The following TRAPPC9 variants were observed in gnomAD, a reference collection of about 807,000 sequenced individuals.
TRAPPC9 encodes the protein IKK2 binding protein.
In TRAPPC9, 83 loss-of-function variants were observed where a neutral mutation model predicts 124.0. That is an observed-to-expected ratio of 0.67 (90% confidence interval 0.56 to 0.80). The LOEUF (loss-of-function observed/expected upper bound fraction) is 0.80, where lower values mean the gene tolerates loss of function less well. Ranked by LOEUF, TRAPPC9 falls within the 30% of genes least tolerant of loss-of-function variation. TRAPPC9 has a pLI of 0.00. For missense variants in TRAPPC9, 1,302 were observed against 1,508.3 expected (o/e 0.86, Z 2.27); for synonymous variants, 638 against 617.5 (o/e 1.03, Z -0.49).
intron 17 of TRAPPC9, among the ~76,000 whole-genome samples, chr8:140,033,778 T>A (rs113918837): frequency 0.011 from 1,532 of 143,164 alleles, 23 homozygotes; most frequent in African/African-American, 0.037. Context: ...ACCTCCCTGG[T>A]TCAAGTGATT....
chr8:139,857,343 C>A (rs1457832971), intron 21 of TRAPPC9, among the ~76,000 whole-genome samples: 1 of 152,156 alleles, frequency 6.6e-6, no homozygotes, highest in African/African-American at 2.4e-5. Context: ...GGAGGCAAGG[C>A]GAGGCATAGC....
chr8:140,450,835 A>G lies in TRAPPC9; in HGVS notation c.539T>C (p.Val180Ala). 6.2e-7 allele frequency: 1 copy of G among 1,613,208 alleles called. No individual in the cohort carries two copies. Among genetic ancestry groups the G allele is most frequent in the Non-Finnish European group, 8.5e-7 (1 of 1,179,696 alleles). Residue 180 changes from valine to alanine, a missense_variant, in exon 2 of 23, where the codon GTC (valine) becomes GCC (alanine). By Grantham distance (64) the Val-to-Ala change is moderately conservative. This residue lies in a region of TRAPPC9 where 657 missense variants were observed against 811.2 expected (regional missense o/e 0.81). Transcript: ENST00000438773. ...KSGDKIPLLC[V>A]PFEKKDFVGL... Reference sequence around the variant, plus strand: ...TACAAAGTCCTTTTTCTCAAACGGGACACAGAGAAGGGGGATCTTATCCCC... The same window carrying G: ...TACAAAGTCCTTTTTCTCAAACGGGGCACAGAGAAGGGGGATCTTATCCCC...
intron 21 of TRAPPC9, among the ~76,000 whole-genome samples, chr8:139,784,606 G>GATATATATATATATAT (rs1463265666): frequency 1.6e-4 from 5 of 30,432 alleles, no homozygotes; most frequent in African/African-American, 4.9e-4. Flanking sequence ...ATAAAAGACT[G>GATATATATATATATAT]ACATATATAT....
intron 18 of TRAPPC9, among the ~76,000 whole-genome samples, chr8:139,990,471 A>G (rs1273608004): frequency 6.6e-6 from 1 of 152,186 alleles, no homozygotes; most frequent in Non-Finnish European, 1.5e-5. Context: ...TCTCATACAC[A>G]TGCACACACA....
chr8:140,254,424 T>C (rs1396614771), intron 15 of TRAPPC9, among the ~76,000 whole-genome samples: 2 of 152,184 alleles, frequency 1.3e-5, no homozygotes, highest in African/African-American at 4.8e-5. Context: ...GCAGCCCACA[T>C]GGCCCTACGT....
At chr8:140,348,038 C>T (rs559400217) in intron 9 of TRAPPC9, among the ~76,000 whole-genome samples, 2 of 152,322 alleles carry the variant, frequency 1.3e-5, no homozygotes, top group Admixed American at 1.3e-4. Flanking sequence ...ACTCCAGCAG[C>T]TCTAAGAAGG....
intron 21 of TRAPPC9, among the ~76,000 whole-genome samples, chr8:139,822,627 G>C (rs10107436): frequency 3.3e-5 from 5 of 151,958 alleles, no homozygotes; most frequent in Admixed American, 6.6e-5. Context: ...AGGATGGCGG[G>C]GGGGGGCTGC....
intron 6 of TRAPPC9, among the ~76,000 whole-genome samples, chr8:140,401,631 T>C (rs2069274819): frequency 7.0e-6 from 1 of 142,660 alleles, no homozygotes; most frequent in African/African-American, 2.7e-5. Flanking sequence ...CATGAAAAAT[T>C]ATTTTTTTTT....
At chr8:140,445,854 C>T (rs763442837) in intron 2 of TRAPPC9, among the ~76,000 whole-genome samples, 17 of 152,208 alleles carry the variant, frequency 1.1e-4, no homozygotes, top group Non-Finnish European at 2.4e-4. Flanking sequence ...GGTCACAGAG[C>T]GAGAACCTTT....
At chr8:140,313,067 T>C (rs1317911693) in intron 9 of TRAPPC9, among the ~76,000 whole-genome samples, 1 of 152,210 alleles carries the variant, frequency 6.6e-6, no homozygotes, top group Non-Finnish European at 1.5e-5. Flanking sequence ...GCCTCCCTCA[T>C]TCTTAGGAAG....
intron 14 of TRAPPC9, among the ~76,000 whole-genome samples, chr8:140,276,933 TG>T (rs2065143017): frequency 6.6e-6 from 1 of 152,078 alleles, no homozygotes; most frequent in Non-Finnish European, 1.5e-5. Flanking sequence ...GCCAACATCG[TG>T]TGCTTAGTGC....
intron 21 of TRAPPC9, among the ~76,000 whole-genome samples, chr8:139,807,768 G>C (rs1448718673): frequency 6.6e-6 from 1 of 152,124 alleles, no homozygotes; most frequent in Non-Finnish European, 1.5e-5. Context: ...AGGAAAACCA[G>C]TGTAGAGCCC....
chr8:140,250,694 T>G lies in TRAPPC9; in HGVS notation c.2431+2083A>C, dbSNP rs2064112682. On this transcript the variant is annotated intron_variant, in intron 16 of 22. Transcript: ENST00000438773. ...ACCTGGTTTCCTGGTTTTTCTAAGG[T>G]AAAACTTACCTTAGAGATTTGCTGT... 7.2e-5 allele frequency among the ~76,000 whole-genome samples: 11 copies of G among 152,176 alleles called. No homozygotes were observed. The South Asian group carries it at 2.3e-3, about 32-fold the overall frequency.
intron 17 of TRAPPC9, among the ~76,000 whole-genome samples, chr8:140,177,654 C>T (rs189743507): frequency 1.3e-5 from 2 of 152,176 alleles, no homozygotes; most frequent in Admixed American, 1.3e-4. Context: ...ATTTCGATTA[C>T]ACCTGCATTG....
chr8:140,264,481 C>G (rs191623263), intron 15 of TRAPPC9, among the ~76,000 whole-genome samples: 3 of 151,122 alleles, frequency 2.0e-5, no homozygotes, highest in Admixed American at 1.3e-4. Flanking sequence ...TTTATTCACC[C>G]GGGGAATTGT....
chr8:139,905,502 C>T (rs75235530), intron 20 of TRAPPC9, among the ~76,000 whole-genome samples: 11 of 152,132 alleles, frequency 7.2e-5, no homozygotes, highest in African/African-American at 2.4e-4. Context: ...CGTGCAGCTC[C>T]GGGGAAGCAG....
At chr8:139,919,112 C>T (rs1446508220) in intron 19 of TRAPPC9, among the ~76,000 whole-genome samples, 2 of 152,214 alleles carry the variant, frequency 1.3e-5, no homozygotes, top group African/African-American at 4.8e-5. Context: ...CTTTGGCGCC[C>T]GGGCTAGTGT....
At chr8:139,818,109 CA>C (rs1824984807) in intron 21 of TRAPPC9, among the ~76,000 whole-genome samples, 1 of 152,210 alleles carries the variant, frequency 6.6e-6, no homozygotes, top group Non-Finnish European at 1.5e-5. Flanking sequence ...GACTTCAGGT[CA>C]TTTGCCCTTG....
chr8:140,207,555 G>C (rs919410822), intron 17 of TRAPPC9, among the ~76,000 whole-genome samples: 3 of 152,178 alleles, frequency 2.0e-5, no homozygotes, highest in Non-Finnish European at 4.4e-5. Context: ...TCTTCACATG[G>C]ATCATGCTGA....
Sources: allele counts gnomAD v4.1 joint callset (sites outside exome capture counted in the v4.1 genomes callset), GRCh38; gene constraint gnomAD v4.1.1; regional missense constraint gnomAD v4.1.1; transcripts MANE v1.5; gene names NCBI Gene and HGNC (gene_info 2026-07-23, HGNC 2026-07-21).